Variants in FGF12 observed in about 807,000 individuals in gnomAD.
FGF12 encodes fibroblast growth factor 12B.
FGF12 carries 14 observed loss-of-function variants against 23.6 expected under a neutral mutation model. The ratio of observed to expected loss-of-function variants is 0.59; its 90% CI spans 0.39 to 0.93. The LOEUF (loss-of-function observed/expected upper bound fraction) is 0.93, where lower values mean the gene tolerates loss of function less well. FGF12 is among the 40% of genes least tolerant of loss of function. The pLI is 0.00. For missense variants in FGF12, 175 were observed against 217.8 expected, an observed-to-expected ratio of 0.80 and a Z score of 1.24; for synonymous variants, 62 against 77.3, an observed-to-expected ratio of 0.80 and a Z score of 1.04.
intron 2 of FGF12, among the ~76,000 whole-genome samples, chr3:192,380,504 A>G (rs1026748692): frequency 3.9e-5 from 6 of 152,234 alleles, no homozygotes; most frequent in African/African-American, 1.2e-4. Context: ...GTATAAGTTC[A>G]TGAGAGAGAA....
chr3:192,392,414 AAAAT>A (rs60248403), intron 2 of FGF12, among the ~76,000 whole-genome samples: 230 of 143,712 alleles, frequency 1.6e-3, no homozygotes, highest in Non-Finnish European at 2.5e-3. Context: ...CTAAAAATAA[AAAAT>A]AAATAAATAA....
intron 2 of FGF12, among the ~76,000 whole-genome samples, chr3:192,666,940 TAGATAGATA>T (rs1207530898): frequency 2.0e-5 from 3 of 151,916 alleles, no homozygotes; most frequent in Non-Finnish European, 4.4e-5. Context: ...GATAGATAGA[TAGATAGATA>T]GATAGATAGA....
chr3:192,376,772 A>T (rs941690105), intron 2 of FGF12, among the ~76,000 whole-genome samples: 9 of 152,210 alleles, frequency 5.9e-5, no homozygotes, highest in African/African-American at 2.2e-4. Context: ...TATTTTTAAA[A>T]TTTATTTTAG....
chr3:192,471,500 T>A (rs1421190505), intron 2 of FGF12, among the ~76,000 whole-genome samples: 1 of 152,198 alleles, frequency 6.6e-6, no homozygotes, highest in Non-Finnish European at 1.5e-5. Flanking sequence ...ATTCATATAC[T>A]TTTTAGAAAA....
At chr3:192,338,985 T>C (rs531264603) in intron 3 of FGF12, among the ~76,000 whole-genome samples, 1 of 152,294 alleles carries the variant, frequency 6.6e-6, no homozygotes, top group South Asian at 2.1e-4. Flanking sequence ...AAAGCAACTA[T>C]AAAGTTTTTC....
chr3:192,301,986 T>C (rs908772767), intron 4 of FGF12, among the ~76,000 whole-genome samples: 2 of 152,128 alleles, frequency 1.3e-5, no homozygotes, highest in Admixed American at 6.5e-5. Flanking sequence ...GAAAAGAATA[T>C]GATGAAGAGA....
At chr3:192,719,649 T>C (rs1210911223) in intron 2 of FGF12, among the ~76,000 whole-genome samples, 4 of 150,458 alleles carry the variant, frequency 2.7e-5, no homozygotes, top group Admixed American at 2.0e-4. Context: ...AGCCTTTAGA[T>C]AAAATGTGTA....
intron 5 of FGF12, among the ~76,000 whole-genome samples, chr3:192,167,739 AT>A (rs1715255991): frequency 3.0e-4 from 6 of 20,284 alleles, no homozygotes; most frequent in Admixed American, 5.3e-4. Flanking sequence ...AGGTATATAT[AT>A]ATATATATAT....
At chr3:192,198,625 A>T (rs573866383) in intron 4 of FGF12, among the ~76,000 whole-genome samples, 1 of 152,228 alleles carries the variant, frequency 6.6e-6, no homozygotes, top group African/African-American at 2.4e-5. Context: ...GAAAGATTTC[A>T]TGAAAATTAA....
At chr3:192,567,391 A>C (rs1875733) in intron 2 of FGF12, among the ~76,000 whole-genome samples, 96,336 of 151,958 alleles carry the variant, frequency 0.63, 31,381 homozygotes, top group African/African-American at 0.77. Flanking sequence ...AAAGGGCTTT[A>C]TTTTTTTAAG....
intron 2 of FGF12, among the ~76,000 whole-genome samples, chr3:192,475,756 T>C (rs1240366138): frequency 1.3e-5 from 2 of 152,202 alleles, no homozygotes; most frequent in Non-Finnish European, 2.9e-5. Flanking sequence ...GTTCTCGTGA[T>C]AGGGAAATTC....
At chr3:192,329,090 A>G (rs1468494552) in intron 4 of FGF12, among the ~76,000 whole-genome samples, 1 of 152,180 alleles carries the variant, frequency 6.6e-6, no homozygotes, top group Non-Finnish European at 1.5e-5. Context: ...TTCCTTTACC[A>G]GGGAATGTGT....
chr3:192,642,758 G>T (rs1162451015), intron 2 of FGF12, among the ~76,000 whole-genome samples: 1 of 152,186 alleles, frequency 6.6e-6, no homozygotes, highest in Non-Finnish European at 1.5e-5. Context: ...TCGGAGGTCA[G>T]CATAGCCCTT....
chr3:192,262,834 T>G (rs1004767207), intron 4 of FGF12, among the ~76,000 whole-genome samples: 1 of 151,156 alleles, frequency 6.6e-6, no homozygotes, highest in Non-Finnish European at 1.5e-5. Flanking sequence ...GATAAACCCA[T>G]CAAAAAAGTA....
intron 2 of FGF12, among the ~76,000 whole-genome samples, chr3:192,681,794 G>A (rs1717537240): frequency 6.6e-6 from 1 of 151,964 alleles, no homozygotes; most frequent in Non-Finnish European, 1.5e-5. Context: ...TCCAGAAGCT[G>A]GCTGAGGTCA....
In FGF12 at chr3:192,141,034, C is replaced by T. The variant is rs1713340872; in HGVS notation, c.*2975G>A. The T allele has an allele frequency of 7.6e-6, 1 of 132,440 alleles. No individual in the cohort carries two copies. Among genetic ancestry groups the T allele is most frequent in the African/African-American group, 2.9e-5 (1 of 35,012 alleles). The allele number at this position is 132,440 out of a possible 1,614,324, so 8.2% of individuals were successfully genotyped here. The stretch of plus-strand genomic sequence containing the variant: ...TTTGAAACTTATTCCAATAAGAACT[C>T]AGAATAAACATATCTTAATTTATAT... On this transcript the variant is annotated 3_prime_UTR_variant, in exon 6 of 6. Coordinates refer to ENST00000445105, the MANE Select transcript of FGF12 (RefSeq NM_004113.6).
intron 2 of FGF12, among the ~76,000 whole-genome samples, chr3:192,662,345 T>C (rs1039137919): frequency 6.6e-6 from 1 of 152,210 alleles, no homozygotes; most frequent in Admixed American, 6.5e-5. Flanking sequence ...TCATTTTCAT[T>C]ACAGATTCAT....
intron 2 of FGF12, among the ~76,000 whole-genome samples, chr3:192,485,091 T>A (rs1577011937): frequency 6.6e-6 from 1 of 151,954 alleles, no homozygotes; most frequent in Non-Finnish European, 1.5e-5. Context: ...TTTTAAATTT[T>A]ATATGTATAC....
chr3:192,163,139 G>A (rs1019649743), intron 5 of FGF12, among the ~76,000 whole-genome samples: 1 of 152,142 alleles, frequency 6.6e-6, no homozygotes, highest in African/African-American at 2.4e-5. Context: ...AGGCTGCTCT[G>A]CCTATGGAGT....
Sources: allele counts gnomAD v4.1 joint callset (sites outside exome capture counted in the v4.1 genomes callset), GRCh38; gene constraint gnomAD v4.1.1; transcripts MANE v1.5; gene names NCBI Gene and HGNC (gene_info 2026-07-23, HGNC 2026-07-21).